The following CT45A1 variants were observed in gnomAD, a reference collection of about 807,000 sequenced individuals.
CT45A1 encodes cancer/testis antigen family 45 member A1.
upstream of CT45A1, among the ~76,000 whole-genome samples, chrX:135,710,543 G>T (rs781905803): frequency 3.4e-4 from 38 of 111,740 alleles, no homozygotes; most frequent in Middle Eastern, 9.2e-3. Flanking sequence ...TAAATTGGGG[G>T]CTTAGTGTTG....
chrX:135,716,951 C>T (rs1183354899), intron 1 of CT45A1, among the ~76,000 whole-genome samples: 7 of 111,249 alleles, frequency 6.3e-5, no homozygotes, highest in African/African-American at 9.8e-5. Flanking sequence ...TGTCCTCTTC[C>T]CTTGGTGTAT....
At chrX:135,710,413 C>T (rs1425228437), upstream of CT45A1, 1 of 112,100 alleles carries the variant, frequency 8.9e-6, no homozygotes, top group African/African-American at 3.2e-5. Flanking sequence ...AAGGAAAATC[C>T]ATATCTAGAC....
At chrX:135,715,232 ACT>A (rs2087969521) in intron 1 of CT45A1, among the ~76,000 whole-genome samples, 2 of 81,561 alleles carry the variant, frequency 2.5e-5, no homozygotes, top group Non-Finnish European at 4.7e-5. Context: ...TATATATAAT[ACT>A]TATATATATA....
At chrX:135,718,024 GT>G (rs2088002679) in intron 1 of CT45A1, among the ~76,000 whole-genome samples, 1 of 111,972 alleles carries the variant, frequency 8.9e-6, no homozygotes, top group African/African-American at 3.2e-5. Context: ...TCACTATGAA[GT>G]ATGGCATTTA....
intron 1 of CT45A1, among the ~76,000 whole-genome samples, chrX:135,715,243 TA>T (rs1211993764): frequency 1.3e-5 from 1 of 79,083 alleles, no homozygotes; most frequent in Non-Finnish European, 2.2e-5. Context: ...CTTATATATA[TA>T]ATACTTATAT....
chrX:135,711,629 A>G (rs1556569573), upstream of CT45A1, among the ~76,000 whole-genome samples: 1 of 110,808 alleles, frequency 9.0e-6, no homozygotes, highest in African/African-American at 3.3e-5. Flanking sequence ...TACAAACATA[A>G]CTTTTGAATT....
chrX:135,718,110 G>A (rs1396758603), intron 1 of CT45A1, among the ~76,000 whole-genome samples: 4 of 111,949 alleles, frequency 3.6e-5, no homozygotes, highest in Non-Finnish European at 5.6e-5. Context: ...TTTTTATCAC[G>A]AATGGACTTT....
chrX:135,715,229 A>ATATAT (rs1178975404), intron 1 of CT45A1, among the ~76,000 whole-genome samples: 1 of 86,002 alleles, frequency 1.2e-5, no homozygotes, highest in Non-Finnish European at 2.2e-5. Flanking sequence ...ATATATATAT[A>ATATAT]ATACTTATAT....
chrX:135,719,595 T>C (rs1240897188), intron 2 of CT45A1, among the ~76,000 whole-genome samples: 12 of 93,993 alleles, frequency 1.3e-4, no homozygotes, highest in African/African-American at 4.6e-4. Flanking sequence ...GTGCTGGGAT[T>C]ACACGCACGA....
At chrX:135,708,983 G>T (rs782762592), upstream of CT45A1, among the ~76,000 whole-genome samples, 84 of 111,213 alleles carry the variant, frequency 7.6e-4, no homozygotes, top group African/African-American at 2.7e-3. Flanking sequence ...TTGATATAAG[G>T]TTGAAAGAGG....
intron 1 of CT45A1, among the ~76,000 whole-genome samples, chrX:135,714,119 G>C (rs1267234699): frequency 9.2e-6 from 1 of 108,829 alleles, no homozygotes; most frequent in Non-Finnish European, 1.9e-5. Context: ...GGAACATGGT[G>C]GGGGTGGCTG....
At chrX:135,711,273 A>G (rs2087932006), upstream of CT45A1, among the ~76,000 whole-genome samples, 1 of 111,973 alleles carries the variant, frequency 8.9e-6, no homozygotes, top group African/African-American at 3.3e-5. Context: ...AGTGAAAACA[A>G]TGTTTAAGCT....
chrX:135,716,139 A>G (rs1434325859), intron 1 of CT45A1, among the ~76,000 whole-genome samples: 1 of 111,422 alleles, frequency 9.0e-6, no homozygotes, highest in Non-Finnish European at 1.9e-5. Flanking sequence ...CGTGATAAAC[A>G]TACGTGTGCA....
chrX:135,717,821 T>C (rs782814934), intron 1 of CT45A1, among the ~76,000 whole-genome samples: 106 of 112,049 alleles, frequency 9.5e-4, no homozygotes, highest in Non-Finnish European at 1.9e-3. Flanking sequence ...TTAACTGTAA[T>C]GATTTTATTC....
upstream of CT45A1, among the ~76,000 whole-genome samples, chrX:135,710,964 G>A (rs1413125833): frequency 4.5e-5 from 5 of 111,813 alleles, no homozygotes; most frequent in Admixed American, 9.5e-5. Flanking sequence ...ATACTTACAC[G>A]TCTGGATATG....
upstream of CT45A1, among the ~76,000 whole-genome samples, chrX:135,713,129 C>T (rs1200099961): frequency 4.0e-5 from 4 of 100,059 alleles, no homozygotes; most frequent in East Asian, 6.2e-4. Flanking sequence ...CCTCTGCCTC[C>T]TGGGTTCCAG....
chrX:135,713,318 T>C (rs1649307897), upstream of CT45A1: 2 of 146,962 alleles, frequency 1.4e-5, no homozygotes, highest in Middle Eastern at 7.4e-3. Context: ...TGCGTTCCTC[T>C]GCTTATGTTG....
At chrX:135,718,382 C>T (rs1345956509) in intron 1 of CT45A1, among the ~76,000 whole-genome samples, 1 of 110,669 alleles carries the variant, frequency 9.0e-6, no homozygotes, top group African/African-American at 3.3e-5. Flanking sequence ...GTTTTTCATT[C>T]TTCTAAATTC....
intron 1 of CT45A1, among the ~76,000 whole-genome samples, chrX:135,717,548 CAA>C (rs36094220): frequency 5.8e-5 from 6 of 102,845 alleles, no homozygotes; most frequent in Admixed American, 5.2e-4. Flanking sequence ...GGCTCCGACT[CAA>C]AAAAAAAAAT....
Sources: allele counts gnomAD v4.1 joint callset (sites outside exome capture counted in the v4.1 genomes callset), GRCh38; gene constraint gnomAD v4.1.1; transcripts MANE v1.5; gene names NCBI Gene and HGNC (gene_info 2026-07-23, HGNC 2026-07-21).